The following SLC26A5 variants were observed in gnomAD, a reference collection of about 807,000 sequenced individuals.
SLC26A5 encodes the protein solute carrier family 26 member 5, also known as prestin.
Under a neutral mutation model 81.0 loss-of-function variants are expected in SLC26A5, and 51 were observed. The observed-to-expected ratio is 0.63, with a 90% CI of 0.50 to 0.80. The LOEUF (loss-of-function observed/expected upper bound fraction) is 0.80. SLC26A5 is among the 30% of genes least tolerant of loss of function. The pLI is 0.00. For missense variants in SLC26A5, 771 were observed against 905.8 expected (o/e 0.85, Z 1.91); for synonymous variants, 325 against 332.8 (o/e 0.98, Z 0.25).
chr7:103,404,875 C>T (rs1823902453), intron 8 of SLC26A5, among the ~76,000 whole-genome samples: 1 of 151,982 alleles, frequency 6.6e-6, no homozygotes, highest in Non-Finnish European at 1.5e-5. Context: ...AGGCTTTGTT[C>T]ATTCCTTTTC....
At chr7:103,415,986 ACT>A (rs1252237698) in intron 4 of SLC26A5, among the ~76,000 whole-genome samples, 1 of 152,032 alleles carries the variant, frequency 6.6e-6, no homozygotes, top group African/African-American at 2.4e-5. Context: ...TTTTTCTTCT[ACT>A]TCCAGGAGAT....
At chr7:103,415,311 C>T (rs1438441878) in intron 4 of SLC26A5, among the ~76,000 whole-genome samples, 1 of 152,244 alleles carries the variant, frequency 6.6e-6, no homozygotes, top group South Asian at 2.1e-4. Context: ...TTTCTGCTCA[C>T]CCCTCTTCCT....
intron 2 of SLC26A5, among the ~76,000 whole-genome samples, chr7:103,432,869 T>G (rs1296711382): frequency 6.6e-6 from 1 of 152,284 alleles, no homozygotes; most frequent in East Asian, 1.9e-4. Context: ...GTGGTTTTAG[T>G]GGGTCCTGGA....
intron 19 of SLC26A5, among the ~76,000 whole-genome samples, chr7:103,375,047 CACACACATATAT>C (rs1028090842): frequency 1.4e-5 from 2 of 147,498 alleles, no homozygotes; most frequent in African/African-American, 2.5e-5. Flanking sequence ...CACACACACA[CACACACATATAT>C]ACACACATAT....
chr7:103,359,008 A>C (rs1159622123), intron 19 of SLC26A5, among the ~76,000 whole-genome samples: 1 of 151,156 alleles, frequency 6.6e-6, no homozygotes, highest in Non-Finnish European at 1.5e-5. Context: ...TTTTGAGACA[A>C]GGTCTCACTT....
At chr7:103,404,631 A>G (rs933878517) in intron 8 of SLC26A5, among the ~76,000 whole-genome samples, 8 of 151,544 alleles carry the variant, frequency 5.3e-5, no homozygotes, top group African/African-American at 1.9e-4. Context: ...CTTCATTTCA[A>G]CCTTGGTGAA....
Position 103,389,132 on chromosome 7 carries a change from A to T in SLC26A5, c.1408-18T>A. ...CAGATGGTCTAAGCAAAAGACAGAA[A>T]ACTTGATGGAGAACCATGTTAAACA... On this transcript the variant is annotated intron_variant, in intron 13 of 19. Coordinates refer to ENST00000306312, the MANE Select transcript of SLC26A5 (RefSeq NM_198999.3). 6.4e-7 allele frequency: 1 copy of T among 1,559,914 alleles called. No homozygotes were observed. Among genetic ancestry groups the T allele is most frequent in the Non-Finnish European group, 8.8e-7 (1 of 1,131,498 alleles).
downstream of SLC26A5, among the ~76,000 whole-genome samples, chr7:103,371,434 C>T (rs1314988202): frequency 2.2e-4 from 33 of 150,964 alleles, no homozygotes; most frequent in Non-Finnish European, 4.4e-5. Flanking sequence ...ACGCCATTCT[C>T]CTGCCTCAGC....
downstream of SLC26A5, chr7:103,374,116 C>T: frequency 9.3e-7 from 1 of 1,070,916 alleles, no homozygotes; most frequent in East Asian, 5.1e-5. Flanking sequence ...AAATACTTGA[C>T]TGAAATAAAT....
rs1827303480 is a variant in SLC26A5 at position 103,446,186 on chromosome 7, A to G, written c.-271T>C. The G allele has an allele frequency of 6.6e-6, 1 of 151,142 alleles. No homozygotes were observed. The highest frequency in any genetic ancestry group is 1.5e-5 in the Non-Finnish European group (1 of 67,736). The allele number at this position is 151,142 out of a possible 1,614,324, so 9.4% of individuals were successfully genotyped here. A position where few individuals can be genotyped will look rare whatever the true frequency, so the allele number is the denominator to read the frequency against. ...GCGCGCTGCCTCCAGGTGCGGCTCT[A>G]GGAGGAGGCGCCGCGGGCAGTGCCG... On this transcript the variant is annotated 5_prime_UTR_variant, in exon 1 of 20. Coordinates refer to ENST00000306312, the MANE Select transcript of SLC26A5 (RefSeq NM_198999.3).
chr7:103,423,611 T>A (rs1397623542), intron 2 of SLC26A5, among the ~76,000 whole-genome samples: 3 of 152,130 alleles, frequency 2.0e-5, no homozygotes, highest in Non-Finnish European at 1.5e-5. Context: ...CCCCCTTTCA[T>A]CCCTTCTGTC....
chr7:103,376,810 C>T lies in SLC26A5; in HGVS notation c.2039G>A (p.Ser680Asn), dbSNP rs1280573352. 2 of 1,600,118 alleles carry T rather than the reference C, an allele frequency of 1.2e-6. No homozygotes were observed. The highest frequency in any genetic ancestry group is 1.7e-6 in the Non-Finnish European group (2 of 1,168,064). ...VGIYVYLAGC[S>N]AQVVNDLTRN... ...CCCCATCTTAGAGGTATACTCACCA[C>T]TGCATCCTGCTAAGTATACATATAT... is the stretch of plus-strand genomic sequence containing the variant. The change falls in exon 19 of 20, where the codon AGT becomes AAT. Residue 680 changes from serine (S) to asparagine (N), a missense_variant and splice_region_variant. Physicochemically the swap from Ser to Asn is conservative, Grantham distance 46. Coordinates refer to ENST00000306312, the MANE Select transcript of SLC26A5 (RefSeq NM_198999.3).
At chr7:103,388,821 T>A in intron 14 of SLC26A5, 187 bp downstream of exon 14, 2 of 573,026 alleles carry the variant, frequency 3.5e-6, no homozygotes, top group Non-Finnish European at 6.6e-6. Context: ...CAAAATTATA[T>A]GGAATTTTTA....
downstream of SLC26A5, chr7:103,374,059 C>A: frequency 2.0e-6 from 1 of 498,538 alleles, no homozygotes; most frequent in Non-Finnish European, 2.7e-6. Flanking sequence ...TGTAGATCAA[C>A]AAGTACAAAA....
intron 2 of SLC26A5, among the ~76,000 whole-genome samples, chr7:103,426,706 T>A (rs956375963): frequency 6.6e-6 from 1 of 152,206 alleles, no homozygotes; most frequent in African/African-American, 2.4e-5. Context: ...GGGGACTTTT[T>A]ATTTGCATCA....
chr7:103,361,983 C>T (rs755796502), intron 19 of SLC26A5: 9 of 1,613,078 alleles, frequency 5.6e-6, no homozygotes, highest in South Asian at 3.3e-5. Flanking sequence ...AATGCTGATT[C>T]GGAGGACCCA....
At position 103,353,979 on chromosome 7, in the gene SLC26A5, C is replaced by A. The variant is rs201585618; in HGVS notation, c.2042-1053G>T. 3.2e-4 allele frequency: 490 copies of A among 1,548,860 alleles called. 3 individuals are homozygous for A. The African/African-American group carries it at 6.3e-3, about 20-fold the overall frequency. ...CTTATGTAAGTCCTTTCAGTGTCTA[C>A]AAACTATAGATGTTTTATGTTGAAA... On this transcript the variant is annotated intron_variant, in intron 19 of 19. Coordinates refer to the SLC26A5 transcript ENST00000339444.
chr7:103,425,591 A>G lies in SLC26A5; in HGVS notation c.-53-4024T>C, dbSNP rs539113418. The stretch of plus-strand genomic sequence containing the variant: ...ATCAGTGACAAGATTAAAGCCTCAT[A>G]AGATCATTTTTTAAAGTAAACTTTA... On this transcript the variant is annotated intron_variant, in intron 2 of 19. Transcript: ENST00000306312. Among the ~76,000 whole-genome samples, 36 of 152,340 alleles carry G rather than the reference A, an allele frequency of 2.4e-4. No homozygotes were observed. In the East Asian group the frequency reaches 3.9e-3, roughly 16 times the overall value.
intron 2 of SLC26A5, among the ~76,000 whole-genome samples, chr7:103,439,430 T>G (rs1412071761): frequency 6.6e-6 from 1 of 152,186 alleles, no homozygotes; most frequent in East Asian, 1.9e-4. Context: ...CCTCTCAAAC[T>G]CTTGTCCACT....
Sources: gnomAD v4.1 joint callset for allele counts (sites outside exome capture counted in the v4.1 genomes callset) on GRCh38, gnomAD v4.1.1 for gene constraint, MANE v1.5 for transcripts, NCBI Gene and HGNC (gene_info 2026-07-23, HGNC 2026-07-21) for gene names.